The following GALNT18 variants were observed in gnomAD, a reference collection of about 807,000 sequenced individuals.
GALNT18 encodes GalNAc-transferase 18.
In GALNT18, 44 loss-of-function variants were observed where a neutral mutation model predicts 69.5. The ratio of observed to expected loss-of-function variants is 0.63; its 90% CI spans 0.50 to 0.81. The LOEUF (loss-of-function observed/expected upper bound fraction) is 0.81. Among genes scored for constraint, GALNT18 ranks in the 40% least tolerant of loss-of-function variants. GALNT18 has a pLI of 0.00. For synonymous variants in GALNT18, 364 were observed against 318.2 expected (o/e 1.14, Z -1.53); for missense variants, 715 against 810.0 (o/e 0.88, Z 1.42).
chr11:11,475,823 A>G (rs543163447), intron 1 of GALNT18: 1 of 152,304 alleles, frequency 6.6e-6, no homozygotes, highest in South Asian at 2.1e-4. Context: ...CTGGATTGTC[A>G]CAGTTGGAGT....
intron 1 of GALNT18, among the ~76,000 whole-genome samples, chr11:11,467,088 G>A (rs1266435821): frequency 2.6e-5 from 4 of 152,190 alleles, no homozygotes; most frequent in Admixed American, 6.5e-5. Context: ...AACATCTTCC[G>A]AACCTGGGGC....
intron 9 of GALNT18, among the ~76,000 whole-genome samples, chr11:11,313,313 G>T (rs1248165354): frequency 3.3e-5 from 5 of 152,158 alleles, no homozygotes; most frequent in Non-Finnish European, 1.5e-5. Context: ...AGCCCAGGGT[G>T]GATGGGGAAG....
Position 11,546,404 on chromosome 11 carries a change from A to G in GALNT18, c.235+74955T>C, listed in dbSNP as rs1405864913. Among the ~76,000 whole-genome samples the G allele has an allele frequency of 6.6e-6, 1 of 152,062 alleles. No homozygotes were observed. Among genetic ancestry groups the G allele is most frequent in the Non-Finnish European group, 1.5e-5 (1 of 68,000 alleles). On this transcript the variant is annotated intron_variant, in intron 1 of 10. Transcript: ENST00000227756. The surrounding 1 kb of genome is among the most constrained non-coding windows in gnomAD (Gnocchi z 5.8). ...GCCTTCCGCTCTCTGTGCCAACCAC[A>G]CCAACCTGCTGCCTGAGGCTCTGTC... is the stretch of plus-strand genomic sequence containing the variant.
intron 10 of GALNT18, among the ~76,000 whole-genome samples, chr11:11,271,885 C>T (rs1848835512): frequency 6.6e-6 from 1 of 152,188 alleles, no homozygotes; most frequent in South Asian, 2.1e-4. Context: ...CCCAAAGCCC[C>T]TTGATGTTCT....
At position 11,619,024 on chromosome 11, in the gene GALNT18, T is replaced by C. The variant is rs554153187; in HGVS notation, c.235+2335A>G. Among the ~76,000 whole-genome samples the C allele has an allele frequency of 6.6e-6, 1 of 152,164 alleles. No homozygotes were observed. Among genetic ancestry groups the C allele is most frequent in the Non-Finnish European group, 1.5e-5 (1 of 68,036 alleles). ...TGCACTTGACCAGCCCCAAATTTTATAGGCCCTTTACCTCTGTTTCCTAAA... is the reference window on the plus strand; with the variant it reads ...TGCACTTGACCAGCCCCAAATTTTACAGGCCCTTTACCTCTGTTTCCTAAA... On this transcript the variant is annotated intron_variant, in intron 1 of 10. Coordinates refer to ENST00000227756, the MANE Select transcript of GALNT18 (RefSeq NM_198516.3). This position sits in a 1 kb window ranked among gnomAD's most constrained non-coding sequence, Gnocchi z 4.9.
rs1858600034 is a variant in GALNT18 at position 11,564,672 on chromosome 11, A to G, written c.235+56687T>C. ...GAATTTAATACCAACTTATCTATGA[A>G]AACCCTGCTAACCCAAGAAGTATCC... On this transcript the variant is annotated intron_variant, in intron 1 of 10. Coordinates refer to ENST00000227756, the MANE Select transcript of GALNT18 (RefSeq NM_198516.3). This position sits in a 1 kb window ranked among gnomAD's most constrained non-coding sequence, Gnocchi z 4.3. 6.6e-6 allele frequency among the ~76,000 whole-genome samples: 1 copy of G among 152,184 alleles called. No homozygotes were observed. Among genetic ancestry groups the G allele is most frequent in the Non-Finnish European group, 1.5e-5 (1 of 68,036 alleles).
intron 6 of GALNT18, chr11:11,352,447 T>C (rs757714799): frequency 8.1e-6 from 13 of 1,614,160 alleles, no homozygotes; most frequent in East Asian, 2.2e-5. Flanking sequence ...CGAAAGATCA[T>C]ACTTGCCAGC....
At position 11,480,984 on chromosome 11, in the gene GALNT18, G is replaced by A. The variant is rs1856515222; in HGVS notation, c.236-32048C>T. The stretch of plus-strand genomic sequence containing the variant: ...TTCTTTGTGGACACATCCCAGGACT[G>A]ATGTGCCATAGGAAATGCTGTCTTC... On this transcript the variant is annotated intron_variant, in intron 1 of 10. Coordinates refer to ENST00000227756, the MANE Select transcript of GALNT18 (RefSeq NM_198516.3). This position sits in a 1 kb window ranked among gnomAD's most constrained non-coding sequence, Gnocchi z 4.6. 6.6e-6 allele frequency among the ~76,000 whole-genome samples: 1 copy of A among 152,160 alleles called. No homozygotes were observed.
chr11:11,396,797 C>T lies in GALNT18; in HGVS notation c.596-17533G>A, dbSNP rs541901110. Among the ~76,000 whole-genome samples, 6 of 152,198 alleles carry T rather than the reference C, an allele frequency of 3.9e-5. No homozygotes were observed. The highest frequency in any genetic ancestry group is 4.2e-4 in the South Asian group (2 of 4,814). ...GGAGAGAGAGGCTGTATTTCTGGCC[C>T]GCACTGCAGCATCAGTGGGGAGGAA... On this transcript the variant is annotated intron_variant, in intron 3 of 10. Transcript: ENST00000227756. This position sits in a 1 kb window ranked among gnomAD's most constrained non-coding sequence, Gnocchi z 5.2.
At chr11:11,557,979 C>T (rs1858372692) in intron 1 of GALNT18, among the ~76,000 whole-genome samples, 1 of 152,184 alleles carries the variant, frequency 6.6e-6, no homozygotes, top group Non-Finnish European at 1.5e-5. Context: ...GAAATGTCCC[C>T]AAAGTGGAAC....
At chr11:11,466,071 A>G (rs1590027604) in intron 1 of GALNT18, among the ~76,000 whole-genome samples, 1 of 151,474 alleles carries the variant, frequency 6.6e-6, no homozygotes, top group African/African-American at 2.4e-5. Context: ...ACGCAAACAG[A>G]TATAAGGGAA....
At chr11:11,344,796 C>T (rs1032582828) in intron 6 of GALNT18, among the ~76,000 whole-genome samples, 1 of 152,080 alleles carries the variant, frequency 6.6e-6, no homozygotes, top group Admixed American at 6.5e-5. Flanking sequence ...ACACCCTGAA[C>T]ATGGGGACAG....
At position 11,621,492 on chromosome 11, in the gene GALNT18, G is replaced by T; in HGVS notation, c.102C>A (p.Asn34Lys). ...ICLLYVGWVT[N>K]YIASVYVRGQ... ...CCCGCACATACACGCTGGCGATGTA[G>T]TTGGTGACCCAGCCCACGTAGAGCA... The change falls in exon 1 of 11, where the codon AAC becomes AAA. Residue 34 changes from asparagine (N) to lysine (K), a missense_variant. Asn to Lys is a moderately conservative substitution (Grantham distance 94). Transcript: ENST00000227756. The surrounding 1 kb of genome is among the most constrained non-coding windows in gnomAD (Gnocchi z 9.3). 1 of 1,614,168 alleles carries T rather than the reference G, an allele frequency of 6.2e-7. No homozygotes were observed. Among genetic ancestry groups the T allele is most frequent in the Non-Finnish European group, 8.5e-7 (1 of 1,180,032 alleles).
At chr11:11,324,395 T>C (rs1456801961) in intron 9 of GALNT18, among the ~76,000 whole-genome samples, 1 of 152,214 alleles carries the variant, frequency 6.6e-6, no homozygotes, top group African/African-American at 2.4e-5. Context: ...AAACTGGCCA[T>C]AGTCCAAGTG....
chr11:11,609,603 A>G (rs921644119), intron 1 of GALNT18, among the ~76,000 whole-genome samples: 2 of 152,228 alleles, frequency 1.3e-5, no homozygotes, highest in Non-Finnish European at 2.9e-5. Flanking sequence ...AGGCAGCGGT[A>G]CACCCCAGGT....
Position 11,389,474 on chromosome 11 carries a change from TA to T in GALNT18, c.596-10211del, listed in dbSNP as rs1364310175. On this transcript the variant is annotated intron_variant, in intron 3 of 10. Coordinates refer to ENST00000227756, the MANE Select transcript of GALNT18 (RefSeq NM_198516.3). This position sits in a 1 kb window ranked among gnomAD's most constrained non-coding sequence, Gnocchi z 4.3. ...GTGTGAGGAGGAAAATCCTGTAAAGTAAAGGTGGGGCAATGGACCAAACACT... is the reference window on the plus strand; with the variant it reads ...GTGTGAGGAGGAAAATCCTGTAAAGTAAGGTGGGGCAATGGACCAAACACT... Among the ~76,000 whole-genome samples the T allele has an allele frequency of 6.6e-6, 1 of 152,070 alleles. No individual in the cohort carries two copies. Among genetic ancestry groups the T allele is most frequent in the East Asian group, 1.9e-4 (1 of 5,196 alleles).
In GALNT18 at chr11:11,389,518, G is replaced by A. The variant is rs750740809; in HGVS notation, c.596-10254C>T. Among the ~76,000 whole-genome samples the A allele has an allele frequency of 1.3e-5, 2 of 152,178 alleles. No homozygotes were observed. The highest frequency in any genetic ancestry group is 2.4e-5 in the African/African-American group (1 of 41,444). On this transcript the variant is annotated intron_variant, in intron 3 of 10. Coordinates refer to ENST00000227756, the MANE Select transcript of GALNT18 (RefSeq NM_198516.3). This position sits in a 1 kb window ranked among gnomAD's most constrained non-coding sequence, Gnocchi z 4.3. ...CAAACACTGTGAAATTACTTACAGA[G>A]CAAGAACTACTCCTGCTACTCTGAG...
intron 6 of GALNT18, among the ~76,000 whole-genome samples, chr11:11,359,820 G>T (rs1213845684): frequency 2.0e-5 from 3 of 152,154 alleles, no homozygotes; most frequent in Non-Finnish European, 1.5e-5. Context: ...AGTGATTAAG[G>T]CATTCATTTT....
rs1849640465 is a variant in GALNT18, at chr11:11,309,875, A to C, written c.1513-16682T>G. ...ATTTCCTGTGCTCCAGGACCATCCCACCTCTCCTCACCCTGTCCCCACCCC... is the reference window on the plus strand; with the variant it reads ...ATTTCCTGTGCTCCAGGACCATCCCCCCTCTCCTCACCCTGTCCCCACCCC... On this transcript the variant is annotated intron_variant, in intron 9 of 10. Transcript: ENST00000227756. The surrounding 1 kb of genome is among the most constrained non-coding windows in gnomAD (Gnocchi z 4.6). Among the ~76,000 whole-genome samples the C allele has an allele frequency of 6.6e-6, 1 of 150,432 alleles. No individual in the cohort carries two copies. The highest frequency in any genetic ancestry group is 2.4e-5 in the African/African-American group (1 of 40,864).
Sources: gnomAD v4.1 joint callset for allele counts (sites outside exome capture counted in the v4.1 genomes callset) on GRCh38, gnomAD v4.1.1 for gene constraint, Gnocchi (gnomAD v3.1) non-coding constraint, MANE v1.5 for transcripts, NCBI Gene and HGNC (gene_info 2026-07-23, HGNC 2026-07-21) for gene names.